The following CDHR4 variants were observed in gnomAD, a reference collection of about 807,000 sequenced individuals.
CDHR4 encodes the protein cadherin-related family member 4.
A neutral mutation model predicts 88.4 loss-of-function variants in CDHR4; 89 were observed. The observed-to-expected ratio is 1.01, with a 90% CI of 0.85 to 1.20. The LOEUF (loss-of-function observed/expected upper bound fraction) is 1.20, where lower values mean the gene tolerates loss of function less well. Among genes scored for constraint, CDHR4 ranks in the 50% most tolerant of loss-of-function variants. The probability of loss-of-function intolerance (pLI) is 0.00; values close to 1 mark genes in which losing one functional copy is unlikely to be tolerated. For missense variants in CDHR4, 914 were observed against 1,007.2 expected (o/e 0.91, Z 1.25); for synonymous variants, 368 against 399.2 (o/e 0.92, Z 0.93).
rs1351302700 is a variant in CDHR4, at chr3:49,798,918, C to G, written c.404-1G>C. The G allele has an allele frequency of 2.5e-6, 4 of 1,613,054 alleles. No homozygotes were observed. The highest frequency in any genetic ancestry group is 3.4e-6 in the Non-Finnish European group (4 of 1,179,546). ...TCTGGCACCTGAATCATTTCCCCAG[C>G]TGGCCAGAGTGGAGGTCAGGGAGGA... On this transcript the variant is annotated splice_acceptor_variant, in intron 3 of 18. Transcript: ENST00000412678. LOFTEE classifies it high-confidence loss of function.
chr3:49,794,756 C>G, intron 9 of CDHR4, 55 bp from the exon 10 acceptor site: 1 of 1,466,820 alleles, frequency 6.8e-7, no homozygotes, highest in Non-Finnish European at 9.3e-7. Context: ...GAGCCCTGAG[C>G]CACACGGGGC....
In CDHR4 at chr3:49,792,942, G is replaced by T. The variant is rs548223769; in HGVS notation, c.1907C>A (p.Thr636Asn). The change falls in exon 14 of 19, where the codon ACC (threonine) becomes AAC (asparagine). Residue 636 changes from threonine to asparagine, a missense_variant. Coordinates refer to ENST00000412678, the MANE Select transcript of CDHR4 (RefSeq NM_001007540.4). Reference sequence around the variant, plus strand: ...GGTGGCTGTGGTGCTGAGGTGGGGGGTGGAGGGGCCTGCATCGGCCACACA... The same window carrying T: ...GGTGGCTGTGGTGCTGAGGTGGGGGTTGGAGGGGCCTGCATCGGCCACACA... ...LICVADAGPS[T>N]PHLSTTATII... is the part of the protein sequence containing the mutation. 2 of 1,551,698 alleles carry T rather than the reference G, an allele frequency of 1.3e-6. No individual in the cohort carries two copies. The highest frequency in any genetic ancestry group is 1.4e-5 in the African/African-American group (1 of 73,162).
chr3:49,797,126 A>AG, intron 4 of CDHR4, 94 bp from the exon 5 acceptor site: 1 of 908,550 alleles, frequency 1.1e-6, no homozygotes, highest in Non-Finnish European at 1.7e-6. Flanking sequence ...GCAACCCAGC[A>AG]GGCACCTGCC....
chr3:49,794,327 G>C (rs1008557291), intron 10 of CDHR4, among the ~76,000 whole-genome samples: 4 of 152,088 alleles, frequency 2.6e-5, no homozygotes, highest in African/African-American at 9.7e-5. Context: ...GAACCCGGGA[G>C]GCAGAGCTTG....
At chr3:49,798,686 A>G in intron 4 of CDHR4, 140 bp downstream of exon 4, 1 of 751,970 alleles carries the variant, frequency 1.3e-6, no homozygotes, top group Non-Finnish European at 2.1e-6. Flanking sequence ...CTCTCCAAGA[A>G]CATACATCAT....
At chr3:49,801,818 G>A (rs1465292501), upstream of CDHR4, among the ~76,000 whole-genome samples, 2 of 152,196 alleles carry the variant, frequency 1.3e-5, no homozygotes, top group Non-Finnish European at 2.9e-5. Context: ...CCTCCCCTTC[G>A]TTGCCTGGAT....
In CDHR4 at chr3:49,799,774, C is replaced by A. The variant is rs201706886; in HGVS notation, c.39G>T (p.Pro13=). The A allele has an allele frequency of 6.2e-7, 1 of 1,613,910 alleles. No homozygotes were observed. The highest frequency in any genetic ancestry group is 1.1e-5 in the South Asian group (1 of 91,076). ...LLRLLVFLFA[P]VVSDLCSLPC... Reference sequence around the variant, plus strand: ...CCACCACCTCCTCACCAGAGACCACCGGAGCAAAGAGGAACACGAGGAGCC... The same window carrying A: ...CCACCACCTCCTCACCAGAGACCACAGGAGCAAAGAGGAACACGAGGAGCC... The change falls in exon 1 of 19, where the codon CCG becomes CCT. Residue 13 remains proline (P), a synonymous_variant. Coordinates refer to ENST00000412678, the MANE Select transcript of CDHR4 (RefSeq NM_001007540.4).
In CDHR4 at chr3:49,796,882, C is replaced by G. The variant is rs748996710; in HGVS notation, c.606+40G>C. On this transcript the variant is annotated intron_variant, in intron 5 of 18. Coordinates refer to ENST00000412678, the MANE Select transcript of CDHR4 (RefSeq NM_001007540.4). ...AAATTTCTAAAAGGTAGGCACTCTACCCAATCCATAAACACCCTCAGATTC... is the reference window on the plus strand; with the variant it reads ...AAATTTCTAAAAGGTAGGCACTCTAGCCAATCCATAAACACCCTCAGATTC... 4.7e-6 allele frequency: 7 copies of G among 1,497,496 alleles called. No individual in the cohort carries two copies. In the South Asian group the frequency reaches 8.4e-5, roughly 18 times the overall value. 92.8% of individuals were successfully genotyped at this position (1,497,496 alleles called of 1,614,324 possible).
intron 15 of CDHR4, 100 bp downstream of exon 15, chr3:49,792,356 GTCACCCACCTAC>G: frequency 7.4e-7 from 1 of 1,347,220 alleles, no homozygotes; most frequent in Non-Finnish European, 1.0e-6. Flanking sequence ...ATATCAGTTC[GTCACCCACCTAC>G]TTGGGCATTG....
In CDHR4 at chr3:49,795,877, C is replaced by A; in HGVS notation, c.710+66G>T. ...GGCTGGGACTCAGCTCCAGCAGCCT[C>A]ACCCTACCTGATTCCCTGGGGCTAG... is the stretch of plus-strand genomic sequence containing the variant. On this transcript the variant is annotated intron_variant, in intron 6 of 18. Transcript: ENST00000412678. The surrounding 1 kb of genome is among the most constrained non-coding windows in gnomAD (Gnocchi z 5.4). 6.6e-7 allele frequency: 1 copy of A among 1,516,294 alleles called. No homozygotes were observed. The highest frequency in any genetic ancestry group is 8.9e-7 in the Non-Finnish European group (1 of 1,126,734). 93.9% of individuals were successfully genotyped at this position (1,516,294 alleles called of 1,614,324 possible).
upstream of CDHR4, among the ~76,000 whole-genome samples, chr3:49,802,704 G>A (rs1258979217): frequency 1.3e-5 from 2 of 152,238 alleles, no homozygotes; most frequent in Non-Finnish European, 2.9e-5. Flanking sequence ...GCGCGTCGCC[G>A]CTGGACTCGC....
upstream of CDHR4, among the ~76,000 whole-genome samples, chr3:49,800,443 C>T (rs966799453): frequency 2.2e-4 from 33 of 151,584 alleles, no homozygotes. Context: ...GCTTGAACCC[C>T]AAGAGATCGA....
Position 49,793,893 on chromosome 3 carries a change from C to G in CDHR4, c.1393G>C (p.Val465Leu). 1 of 1,551,764 alleles carries G rather than the reference C, an allele frequency of 6.4e-7. No homozygotes were observed. The highest frequency in any genetic ancestry group is 8.7e-7 in the Non-Finnish European group (1 of 1,146,990). Residue 465 changes from valine (V) to leucine (L), a missense_variant, in exon 11 of 19, where the codon GTG (valine) becomes CTG (leucine). Coordinates refer to ENST00000412678, the MANE Select transcript of CDHR4 (RefSeq NM_001007540.4). ...GGGTAATCCATATCCGTGCCCACCACGGAGCCCAGTAGAGTGTGGGGCGCC... is the reference window on the plus strand; with the variant it reads ...GGGTAATCCATATCCGTGCCCACCAGGGAGCCCAGTAGAGTGTGGGGCGCC... ...DAAPHTLLGS[V>L]VGTDMDYPHD...
chr3:49,794,858 C>T lies in CDHR4; in HGVS notation c.1185+89G>A, dbSNP rs919919060. ...GGCTCGACAGCCATCCCTCCACCCCCACTCCCGTGGTCTCAGAGACCCTTG... is the reference window on the plus strand; with the variant it reads ...GGCTCGACAGCCATCCCTCCACCCCTACTCCCGTGGTCTCAGAGACCCTTG... On this transcript the variant is annotated intron_variant, in intron 9 of 18. Transcript: ENST00000412678. 46 of 1,507,134 alleles carry T rather than the reference C, an allele frequency of 3.1e-5. No individual in the cohort carries two copies. The Admixed American group carries it at 5.6e-4, about 18-fold the overall frequency. The allele number at this position is 1,507,134 out of a possible 1,614,324, so 93.4% of individuals were successfully genotyped here. A position where few individuals can be genotyped will look rare whatever the true frequency, so the allele number is the denominator to read the frequency against.
At chr3:49,792,768 C>T (rs559517896) in intron 14 of CDHR4, 86 bp downstream of exon 14, 2 of 1,457,390 alleles carry the variant, frequency 1.4e-6, no homozygotes, top group Non-Finnish European at 1.8e-6. Context: ...ACTGCCTTCC[C>T]CATAGTTCCA....
At chr3:49,796,450 C>A (rs1443891688) in intron 5 of CDHR4, among the ~76,000 whole-genome samples, 2 of 152,066 alleles carry the variant, frequency 1.3e-5, no homozygotes, top group East Asian at 3.9e-4. Context: ...AATTCTCCTG[C>A]CTCAGCCTCC....
At position 49,795,240 on chromosome 3, in the gene CDHR4, C is replaced by G. The variant is rs562504553; in HGVS notation, c.987G>C (p.Gln329His). 4 of 1,551,660 alleles carry G rather than the reference C, an allele frequency of 2.6e-6. No individual in the cohort carries two copies. Among genetic ancestry groups the G allele is most frequent in the African/African-American group, 2.7e-5 (2 of 73,156 alleles). The change falls in exon 8 of 19, where the codon CAG becomes CAC. Residue 329 changes from glutamine (Q) to histidine (H), a missense_variant. Coordinates refer to ENST00000412678, the MANE Select transcript of CDHR4 (RefSeq NM_001007540.4). The surrounding 1 kb of genome is among the most constrained non-coding windows in gnomAD (Gnocchi z 5.4). Reference protein sequence around the residue: ...SAKLNLTMNVQLVNLWPPRCL... With the variant: ...SAKLNLTMNVHLVNLWPPRCL... ...AGCGTGGAGGCCAGAGGTTGACCAG[C>G]TGCACATTCATGGTGAGATTGAGCT...
chr3:49,796,131 A>G (rs573252936), intron 5 of CDHR4, 85 bp from the exon 6 acceptor site: 1 of 906,486 alleles, frequency 1.1e-6, no homozygotes, highest in Non-Finnish European at 1.6e-6. Flanking sequence ...TAAATAGGCA[A>G]CCTCACTTAG....
Position 49,793,321 on chromosome 3 carries a change from G to A in CDHR4, c.1624-10C>T. 1 of 1,551,122 alleles carries A rather than the reference G, an allele frequency of 6.4e-7. No homozygotes were observed. The highest frequency in any genetic ancestry group is 1.2e-5 in the South Asian group (1 of 84,066). ...CATGGTCATTCACATCCTGCAGAAAGGAACCAGGTTAGGAGTGGGTGGAAC... is the reference window on the plus strand; with the variant it reads ...CATGGTCATTCACATCCTGCAGAAAAGAACCAGGTTAGGAGTGGGTGGAAC... On this transcript the variant is annotated splice_polypyrimidine_tract_variant and intron_variant, in intron 12 of 18. Transcript: ENST00000412678.
Sources: gnomAD v4.1 joint callset for allele counts (sites outside exome capture counted in the v4.1 genomes callset) on GRCh38, gnomAD v4.1.1 for gene constraint, Gnocchi (gnomAD v3.1) non-coding constraint, MANE v1.5 for transcripts, NCBI Gene and HGNC (gene_info 2026-07-23, HGNC 2026-07-21) for gene names.